MACF1: variants seen among roughly 807,000 people sequenced by gnomAD.
MACF1 encodes microtubule actin crosslinking factor 1.
MACF1 carries 193 observed loss-of-function variants against 854.8 expected under a neutral mutation model. The ratio of observed to expected loss-of-function variants is 0.23; its 90% CI spans 0.20 to 0.25. The LOEUF (loss-of-function observed/expected upper bound fraction) is 0.25, where lower values mean the gene tolerates loss of function less well. Ranked by LOEUF, MACF1 falls within the 10% of genes least tolerant of loss-of-function variation. The pLI is 1.00. For synonymous variants in MACF1, 3,185 were observed against 3,226.7 expected (o/e 0.99, Z 0.44); for missense variants, 7,722 against 8,929.1 (o/e 0.86, Z 5.45).
chr1:39,417,231 C>G (rs917450704), intron 58 of MACF1, among the ~76,000 whole-genome samples: 1 of 152,132 alleles, frequency 6.6e-6, no homozygotes, highest in Non-Finnish European at 1.5e-5. Context: ...GCCAAAAACT[C>G]GTTTGCTTTT....
At chr1:39,439,551 G>T (rs1339340119) in intron 72 of MACF1, 51 bp downstream of exon 72, 2 of 1,443,212 alleles carry the variant, frequency 1.4e-6, no homozygotes, top group Non-Finnish European at 1.9e-6. Context: ...TCTAGAAAAA[G>T]CACTTTATCA....
chr1:39,112,335 C>T (rs1276984892), intron 2 of MACF1, among the ~76,000 whole-genome samples: 6 of 152,238 alleles, frequency 3.9e-5, no homozygotes, highest in Admixed American at 2.6e-4. Context: ...CTGCCCTCCT[C>T]GACCTCTCAA....
chr1:39,356,565 G>A (rs1557606505), intron 44 of MACF1, among the ~76,000 whole-genome samples: 2 of 152,124 alleles, frequency 1.3e-5, no homozygotes, highest in Admixed American at 6.5e-5. Flanking sequence ...TAGAGACAGG[G>A]TTTCACCATA....
chr1:39,486,810 G>A lies in MACF1; in HGVS notation c.*1016G>A, dbSNP rs960669110. 2 of 152,576 alleles carry A rather than the reference G, an allele frequency of 1.3e-5. No homozygotes were observed. Among genetic ancestry groups the A allele is most frequent in the African/African-American group, 4.8e-5 (2 of 41,436 alleles). 9.5% of individuals were successfully genotyped at this position (152,576 alleles called of 1,614,324 possible). A position where few individuals can be genotyped will look rare whatever the true frequency, so the allele number is the denominator to read the frequency against. Reference sequence around the variant, plus strand: ...GCGTAATAAAGTCAACTGACCAAGTGACCATGAAAAGGGGCTGTCTGGGGC... The same window carrying A: ...GCGTAATAAAGTCAACTGACCAAGTAACCATGAAAAGGGGCTGTCTGGGGC... On this transcript the variant is annotated 3_prime_UTR_variant, in exon 101 of 101. Coordinates refer to ENST00000564288, the MANE Select transcript of MACF1 (RefSeq NM_001394062.1).
chr1:39,273,154 T>G (rs959237998), intron 6 of MACF1, among the ~76,000 whole-genome samples: 1 of 130,952 alleles, frequency 7.6e-6, no homozygotes, highest in Non-Finnish European at 1.7e-5. Context: ...TTTTTTTTTT[T>G]GACACGGAGT....
At chr1:39,271,542 A>G (rs1468507909) in intron 6 of MACF1, among the ~76,000 whole-genome samples, 1 of 152,220 alleles carries the variant, frequency 6.6e-6, no homozygotes, top group Non-Finnish European at 1.5e-5. Flanking sequence ...CACAGATTGA[A>G]ACCATATCAA....
rs750262685 is a variant in MACF1 at position 39,190,395 on chromosome 1, G to GTTTTTTTTTTTTTTTTTTTTTTTTTT, written c.221-40782_221-40781insTTTTTTTTTTTTTTTTTTTTTTTTTT. 3.8e-5 allele frequency among the ~76,000 whole-genome samples: 3 copies of GTTTTTTTTTTTTTTTTTTTTTTTTTT among 79,040 alleles called. 1 individual carries two copies. The highest frequency in any genetic ancestry group is 4.7e-5 in the Non-Finnish European group (2 of 42,366). 51.9% of individuals were successfully genotyped at this position (79,040 alleles called of 152,430 possible). ...TGTGTGTGTGTGTGTGTGTGTGTTT[G>GTTTTTTTTTTTTTTTTTTTTTTTTTT]TTTTTGTTTTTTTTTTTTTTTTTTG... On this transcript the variant is annotated intron_variant, in intron 2 of 93. Transcript: ENST00000361689.
chr1:39,455,432 T>C (rs1644416810), intron 89 of MACF1, among the ~76,000 whole-genome samples: 1 of 152,214 alleles, frequency 6.6e-6, no homozygotes, highest in South Asian at 2.1e-4. Flanking sequence ...GTCTCTACTT[T>C]CTTGCTGGCT....
intron 2 of MACF1, among the ~76,000 whole-genome samples, chr1:39,243,719 T>C (rs1363120988): frequency 6.6e-6 from 1 of 152,180 alleles, no homozygotes; most frequent in Admixed American, 6.5e-5. Context: ...ATTTTGATGC[T>C]TAGTCCACTG....
chr1:39,291,042 A>T (rs1645773478), intron 15 of MACF1, among the ~76,000 whole-genome samples: 1 of 151,188 alleles, frequency 6.6e-6, no homozygotes, highest in African/African-American at 2.4e-5. Context: ...CGTGATCTCC[A>T]GTCACTGCAA....
chr1:39,391,998 A>G (rs563435515), intron 58 of MACF1, among the ~76,000 whole-genome samples: 2 of 152,272 alleles, frequency 1.3e-5, no homozygotes, highest in African/African-American at 4.8e-5. Flanking sequence ...AGGGTGGTGG[A>G]GTGTCCTGTG....
upstream of MACF1, among the ~76,000 whole-genome samples, chr1:39,202,074 C>T (rs1644397319): frequency 6.8e-6 from 1 of 146,248 alleles, no homozygotes; most frequent in South Asian, 2.2e-4. Context: ...TCAAACCATT[C>T]TCCTGCCTCA....
At chr1:39,444,868 T>C (rs199573493) in intron 80 of MACF1, 33 bp downstream of exon 80, 59 of 1,531,698 alleles carry the variant, frequency 3.9e-5, no homozygotes, top group Non-Finnish European at 5.1e-5. Flanking sequence ...TTGAGTAATT[T>C]GCTGAGTGAT....
Position 39,334,487 on chromosome 1 carries a change from C to A in MACF1, c.7899C>A (p.Val2633=), listed in dbSNP as rs776092963. 6.2e-7 allele frequency: 1 copy of A among 1,613,958 alleles called. No homozygotes were observed. The highest frequency in any genetic ancestry group is 1.7e-5 in the Admixed American group (1 of 60,002). ...GAATTGTCCCCTACTCAGAATTAGT[C>A]AAGAAATGTAAGATTGATATTGAAT... is the stretch of plus-strand genomic sequence containing the variant. ...NCRIVPYSEL[V]KKCKIDIESG... The change falls in exon 37 of 101, where the codon GTC becomes GTA. Residue 2633 remains valine (V), a synonymous_variant. Coordinates refer to ENST00000564288, the MANE Select transcript of MACF1 (RefSeq NM_001394062.1).
At chr1:39,411,628 G>T in intron 58 of MACF1, 1 of 1,613,968 alleles carries the variant, frequency 6.2e-7, no homozygotes, top group Admixed American at 1.7e-5. Context: ...TACTATTGAT[G>T]CAGAACAGCT....
intron 79 of MACF1, among the ~76,000 whole-genome samples, chr1:39,444,393 C>T (rs143072105): frequency 7.9e-5 from 12 of 152,062 alleles, no homozygotes; most frequent in Non-Finnish European, 1.8e-4. Flanking sequence ...TTTTAATTTG[C>T]CACTTGTTAT....
intron 92 of MACF1, among the ~76,000 whole-genome samples, chr1:39,461,111 T>C (rs1408689525): frequency 1.3e-5 from 2 of 151,684 alleles, no homozygotes; most frequent in Admixed American, 1.3e-4. Flanking sequence ...AGACAGTGGT[T>C]AACCAGAGGT....
rs778072153 is a variant in MACF1 at position 39,333,707 on chromosome 1, C to G, written c.7119C>G (p.Val2373=). The part of the protein sequence containing the change: ...VLMADKAISG[V]LDPRTQTLCS... ...TGGCAGACAAAGCTATAAGTGGTGT[C>G]TTAGACCCCCGTACCCAGACACTGT... The change falls in exon 37 of 101, where the codon GTC becomes GTG. Residue 2373 remains valine, a synonymous_variant. Transcript: ENST00000564288. 2.5e-6 allele frequency: 4 copies of G among 1,614,032 alleles called. No homozygotes were observed. The highest frequency in any genetic ancestry group is 3.4e-6 in the Non-Finnish European group (4 of 1,180,036).
chr1:39,337,562 A>ATTTTTTTTTTTTT (rs35312351), intron 38 of MACF1, among the ~76,000 whole-genome samples: 1 of 100,162 alleles, frequency 1.0e-5, no homozygotes. Flanking sequence ...AATTACTACC[A>ATTTTTTTTTTTTT]TTTTTTTTTT....
Sources: allele counts gnomAD v4.1 joint callset (sites outside exome capture counted in the v4.1 genomes callset), GRCh38; gene constraint gnomAD v4.1.1; transcripts MANE v1.5; gene names NCBI Gene and HGNC (gene_info 2026-07-23, HGNC 2026-07-21).